The following GALNT18 variants were observed in gnomAD, a reference collection of about 807,000 sequenced individuals.
The protein encoded by GALNT18 is GalNAc-transferase 18.
A neutral mutation model predicts 69.5 loss-of-function variants in GALNT18; 44 were observed. The observed-to-expected ratio is 0.63, with a 90% CI of 0.50 to 0.81. The LOEUF (loss-of-function observed/expected upper bound fraction) is 0.81, where lower values mean the gene tolerates loss of function less well. GALNT18 is among the 40% of genes least tolerant of loss of function. The pLI is 0.00. For synonymous variants in GALNT18, 364 were observed against 318.2 expected (o/e 1.14, Z -1.53); for missense variants, 715 against 810.0 (o/e 0.88, Z 1.42).
chr11:11,345,573 A>G (rs2133061486), intron 6 of GALNT18, among the ~76,000 whole-genome samples: 1 of 152,252 alleles, frequency 6.6e-6, no homozygotes, highest in South Asian at 2.1e-4. Flanking sequence ...TGGGCCTGGC[A>G]CATTAAATGT....
At chr11:11,342,321 T>C (rs1850222373) in intron 6 of GALNT18, among the ~76,000 whole-genome samples, 1 of 152,226 alleles carries the variant, frequency 6.6e-6, no homozygotes, top group Non-Finnish European at 1.5e-5. Flanking sequence ...TGAATGTGGC[T>C]TCTGAGGGAA....
chr11:11,276,351 A>G (rs1480276355), intron 10 of GALNT18, among the ~76,000 whole-genome samples: 1 of 152,076 alleles, frequency 6.6e-6, no homozygotes, highest in Admixed American at 6.5e-5. Flanking sequence ...GTGTATAGGA[A>G]TGCTTGTGAT....
rs1850178009 is a variant in GALNT18, at chr11:11,340,149, C to G, written c.1278+670G>C. On this transcript the variant is annotated intron_variant, in intron 7 of 10. Transcript: ENST00000227756. The surrounding 1 kb of genome is among the most constrained non-coding windows in gnomAD (Gnocchi z 4.2). ...TCAACTCAGTAGTCCAAGGTCATTT[C>G]CACATGTTTCACCTTGACACATGGC... 6.6e-6 allele frequency among the ~76,000 whole-genome samples: 1 copy of G among 152,196 alleles called. No homozygotes were observed. The highest frequency in any genetic ancestry group is 6.5e-5 in the Admixed American group (1 of 15,282).
At chr11:11,371,685 C>A (rs930426423) in intron 6 of GALNT18, among the ~76,000 whole-genome samples, 1 of 152,156 alleles carries the variant, frequency 6.6e-6, no homozygotes, top group Non-Finnish European at 1.5e-5. Flanking sequence ...GCCAAGGATA[C>A]TCCCTGGTCC....
At chr11:11,431,576 A>G (rs1446703613) in intron 3 of GALNT18, among the ~76,000 whole-genome samples, 1 of 152,194 alleles carries the variant, frequency 6.6e-6, no homozygotes, top group Non-Finnish European at 1.5e-5. Context: ...AAATCCCCTT[A>G]CAGCACTGCT....
chr11:11,432,734 A>G lies in GALNT18; in HGVS notation c.482T>C (p.Ile161Thr), dbSNP rs955552559. 1 of 1,614,140 alleles carries G rather than the reference A, an allele frequency of 6.2e-7. No individual in the cohort carries two copies. Among genetic ancestry groups the G allele is most frequent in the South Asian group, 1.1e-5 (1 of 91,048 alleles). ...CACTGAAAGCGCTTCATTGACGAAGATGAACACGATGCTCACCTCTGGCAG... is the reference window on the plus strand; with the variant it reads ...CACTGAAAGCGCTTCATTGACGAAGGTGAACACGATGCTCACCTCTGGCAG... The part of the protein sequence containing the change: ...DSLPEVSIVF[I>T]FVNEALSVLL... Residue 161 changes from isoleucine to threonine, a missense_variant, in exon 3 of 11, where the codon ATC becomes ACC. Transcript: ENST00000227756. The surrounding 1 kb of genome is among the most constrained non-coding windows in gnomAD (Gnocchi z 5.8).
chr11:11,519,214 GA>G (rs1340940976), intron 1 of GALNT18, among the ~76,000 whole-genome samples: 1 of 151,830 alleles, frequency 6.6e-6, no homozygotes, highest in Non-Finnish European at 1.5e-5. Flanking sequence ...GCCCCAGCAT[GA>G]AATTTCCAAC....
intron 9 of GALNT18, among the ~76,000 whole-genome samples, chr11:11,304,356 T>C (rs1164374509): frequency 6.6e-6 from 1 of 152,234 alleles, no homozygotes. Context: ...AATTAACAAA[T>C]ACAGTTAGCT....
chr11:11,396,631 G>A lies in GALNT18; in HGVS notation c.596-17367C>T, dbSNP rs1282280000. 6.6e-6 allele frequency among the ~76,000 whole-genome samples: 1 copy of A among 152,122 alleles called. No individual in the cohort carries two copies. The highest frequency in any genetic ancestry group is 2.1e-4 in the South Asian group (1 of 4,822). On this transcript the variant is annotated intron_variant, in intron 3 of 10. Transcript: ENST00000227756. The surrounding 1 kb of genome is among the most constrained non-coding windows in gnomAD (Gnocchi z 5.2). ...ATTTGCACGCGGGACTCCAGTCTGGGGCAATAGTGTGGTTGGGGGCAGTAG... is the reference window on the plus strand; with the variant it reads ...ATTTGCACGCGGGACTCCAGTCTGGAGCAATAGTGTGGTTGGGGGCAGTAG...
At chr11:11,273,734 T>C (rs762407599) in intron 10 of GALNT18, among the ~76,000 whole-genome samples, 19 of 152,204 alleles carry the variant, frequency 1.2e-4, no homozygotes, top group East Asian at 3.8e-4. Context: ...TGAAGAGATA[T>C]CTGCACTCCC....
intron 1 of GALNT18, among the ~76,000 whole-genome samples, chr11:11,508,634 C>G (rs924941190): frequency 6.6e-6 from 1 of 152,222 alleles, no homozygotes; most frequent in African/African-American, 2.4e-5. Context: ...CAGATTCAAG[C>G]AGTAATCAGA....
At position 11,463,354 on chromosome 11, in the gene GALNT18, A is replaced by G. The variant is rs955359318; in HGVS notation, c.236-14418T>C. Among the ~76,000 whole-genome samples, 1 of 152,236 alleles carries G rather than the reference A, an allele frequency of 6.6e-6. No individual in the cohort carries two copies. The highest frequency in any genetic ancestry group is 1.5e-5 in the Non-Finnish European group (1 of 68,044). On this transcript the variant is annotated intron_variant, in intron 1 of 10. Transcript: ENST00000227756. This position sits in a 1 kb window ranked among gnomAD's most constrained non-coding sequence, Gnocchi z 4.2. Reference sequence around the variant, plus strand: ...GAGCATTAAAAATGTGTCATTTCAAAGATGAGAAAAGAACACTTACAAAAA... The same window carrying G: ...GAGCATTAAAAATGTGTCATTTCAAGGATGAGAAAAGAACACTTACAAAAA...
intron 10 of GALNT18, among the ~76,000 whole-genome samples, chr11:11,274,213 C>A (rs1474860697): frequency 6.6e-6 from 1 of 152,176 alleles, no homozygotes; most frequent in African/African-American, 2.4e-5. Context: ...GGTGTCTATA[C>A]CACCATGGTT....
intron 1 of GALNT18, among the ~76,000 whole-genome samples, chr11:11,484,522 G>A (rs1176416542): frequency 7.9e-5 from 12 of 151,164 alleles, no homozygotes; most frequent in Admixed American, 6.6e-4. Flanking sequence ...GAACCCAGGA[G>A]GCGGAGGTTG....
At chr11:11,380,279 C>T (rs1358010033) in intron 3 of GALNT18, among the ~76,000 whole-genome samples, 1 of 152,228 alleles carries the variant, frequency 6.6e-6, no homozygotes, top group Non-Finnish European at 1.5e-5. Context: ...TCAAGTCCCA[C>T]TTTCCACATA....
At chr11:11,553,262 C>T (rs1162480568) in intron 1 of GALNT18, among the ~76,000 whole-genome samples, 1 of 152,220 alleles carries the variant, frequency 6.6e-6, no homozygotes, top group African/African-American at 2.4e-5. Flanking sequence ...TAGTTATCTT[C>T]CCATGCCACC....
chr11:11,596,402 C>T lies in GALNT18; in HGVS notation c.235+24957G>A, dbSNP rs1033130168. The stretch of plus-strand genomic sequence containing the variant: ...ATTTCCATCAGAATTTTAAGATAAG[C>T]CTGTCAATTTCTGTGTAAAAGCCAG... On this transcript the variant is annotated intron_variant, in intron 1 of 10. Transcript: ENST00000227756. This position sits in a 1 kb window ranked among gnomAD's most constrained non-coding sequence, Gnocchi z 4.2. Among the ~76,000 whole-genome samples, 1 of 152,054 alleles carries T rather than the reference C, an allele frequency of 6.6e-6. No homozygotes were observed. The highest frequency in any genetic ancestry group is 1.5e-5 in the Non-Finnish European group (1 of 67,984).
chr11:11,527,796 A>G (rs1236355621), intron 1 of GALNT18, among the ~76,000 whole-genome samples: 1 of 152,206 alleles, frequency 6.6e-6, no homozygotes, highest in East Asian at 1.9e-4. Flanking sequence ...TGCCTGATGG[A>G]CATCAATTAT....
chr11:11,277,821 T>G (rs1484330568), intron 10 of GALNT18, among the ~76,000 whole-genome samples: 3 of 152,214 alleles, frequency 2.0e-5, no homozygotes, highest in Non-Finnish European at 4.4e-5. Context: ...TTGAGGGAGT[T>G]TCTTAATCCT....
Sources: allele counts gnomAD v4.1 joint callset (sites outside exome capture counted in the v4.1 genomes callset), GRCh38; gene constraint gnomAD v4.1.1; non-coding constraint Gnocchi (gnomAD v3.1); transcripts MANE v1.5; gene names NCBI Gene and HGNC (gene_info 2026-07-23, HGNC 2026-07-21).